Variants in VPS53 observed in about 807,000 individuals in gnomAD.
VPS53 encodes the protein VPS53 subunit of GARP complex.
VPS53 carries 70 observed loss-of-function variants against 107.0 expected under a neutral mutation model. The observed-to-expected ratio is 0.65, with a 90% CI of 0.54 to 0.80. The LOEUF (loss-of-function observed/expected upper bound fraction) is 0.80. Among genes scored for constraint, VPS53 ranks in the 30% least tolerant of loss-of-function variants. The pLI, the probability that VPS53 is intolerant of heterozygous loss-of-function variation, is 0.00. For missense variants in VPS53, 917 were observed against 1,049.4 expected (o/e 0.87, Z 1.74); for synonymous variants, 409 against 393.3 (o/e 1.04, Z -0.47).
intron 12 of VPS53, among the ~76,000 whole-genome samples, chr17:589,076 G>C (rs943591903): frequency 6.6e-6 from 1 of 151,640 alleles, no homozygotes; most frequent in Non-Finnish European, 1.5e-5. Flanking sequence ...AAGTATTATA[G>C]CTATTCTTTT....
chr17:651,417 C>A, intron 7 of VPS53, among the ~76,000 whole-genome samples: 1 of 152,304 alleles, frequency 6.6e-6, no homozygotes, highest in Non-Finnish European at 1.5e-5. Flanking sequence ...GAGTGAGACC[C>A]TGTCTCTACA....
intron 5 of VPS53, among the ~76,000 whole-genome samples, chr17:660,282 T>C (rs1971389181): frequency 6.6e-6 from 1 of 152,080 alleles, no homozygotes; most frequent in Non-Finnish European, 1.5e-5. Context: ...TAAATCCTAG[T>C]TCATAAGGTT....
At chr17:603,146 C>G (rs981542569) in intron 11 of VPS53, among the ~76,000 whole-genome samples, 1 of 152,148 alleles carries the variant, frequency 6.6e-6, no homozygotes, top group East Asian at 1.9e-4. Flanking sequence ...ACACAAAGGC[C>G]GGGTGCAGTG....
chr17:531,505 CTT>C (rs554021532), intron 19 of VPS53, among the ~76,000 whole-genome samples: 332 of 146,942 alleles, frequency 2.3e-3, no homozygotes, highest in Non-Finnish European at 2.8e-3. Flanking sequence ...TTAAAAGACT[CTT>C]TTTTTTTTTG....
At chr17:641,295 T>A (rs1273232325) in intron 7 of VPS53, among the ~76,000 whole-genome samples, 3 of 152,232 alleles carry the variant, frequency 2.0e-5, no homozygotes, top group African/African-American at 7.2e-5. Context: ...TTTCAGTCTT[T>A]ATAAGCAATT....
intron 4 of VPS53, among the ~76,000 whole-genome samples, chr17:677,417 CAG>C (rs1972212697): frequency 6.6e-6 from 1 of 152,014 alleles, no homozygotes; most frequent in South Asian, 2.1e-4. Flanking sequence ...TTCATAGAGA[CAG>C]AAAGTAAAAT....
intron 2 of VPS53, among the ~76,000 whole-genome samples, chr17:704,035 A>C (rs1001285428): frequency 6.6e-6 from 1 of 152,150 alleles, no homozygotes; most frequent in African/African-American, 2.4e-5. Context: ...TGGGGTCACC[A>C]GAAACTCTTT....
At position 601,738 on chromosome 17, in the gene VPS53, C is replaced by T. The variant is rs10521105; in HGVS notation, c.1218+57G>A. The T allele has an allele frequency of 2.2e-5, 31 of 1,391,208 alleles. No homozygotes were observed. In the South Asian group the frequency reaches 2.3e-4, roughly 10 times the overall value. The allele number at this position is 1,391,208 out of a possible 1,614,324, so 86.2% of individuals were successfully genotyped here. A position where few individuals can be genotyped will look rare whatever the true frequency, so the allele number is the denominator to read the frequency against. On this transcript the variant is annotated intron_variant, in intron 12 of 21. Transcript: ENST00000437048. ...AGGATCGTATCTGGAGCAAGCAGAC[C>T]GATTTTCAGAAACGCACATTGGGTA...
At chr17:634,420 A>T (rs191402318) in intron 7 of VPS53, among the ~76,000 whole-genome samples, 5 of 151,918 alleles carry the variant, frequency 3.3e-5, no homozygotes, top group Admixed American at 3.3e-4. Flanking sequence ...TTATACTTTC[A>T]GTTTTAGGGT....
chr17:662,559 C>G (rs1477802262), intron 4 of VPS53, among the ~76,000 whole-genome samples: 3 of 151,832 alleles, frequency 2.0e-5, no homozygotes, highest in Admixed American at 1.3e-4. Flanking sequence ...CACAGTGGCA[C>G]GCACCTGTAG....
intron 12 of VPS53, among the ~76,000 whole-genome samples, chr17:588,357 T>A (rs1027840738): frequency 6.6e-6 from 1 of 151,576 alleles, no homozygotes; most frequent in Non-Finnish European, 1.5e-5. Flanking sequence ...ATACTTAACA[T>A]AAGATCTACC....
intron 13 of VPS53, among the ~76,000 whole-genome samples, chr17:572,169 G>A (rs1377436091): frequency 1.3e-5 from 2 of 150,208 alleles, no homozygotes; most frequent in African/African-American, 2.5e-5. Context: ...CATCGTCTGA[G>A]ATGTGGGGAG....
In VPS53 at chr17:656,036, C is replaced by T. The variant is rs1719585745; in HGVS notation, c.373-83G>A. On this transcript the variant is annotated intron_variant, in intron 5 of 21. Coordinates refer to ENST00000437048, the MANE Select transcript of VPS53 (RefSeq NM_001128159.3). ...CTTCTGCAAGTAGCTCTGTAAGAAA[C>T]GAATGCAGATGAAGCAGGGAAAAAT... The T allele has an allele frequency of 8.6e-6, 9 of 1,051,888 alleles. No individual in the cohort carries two copies. The East Asian group carries it at 1.0e-4, about 12-fold the overall frequency. The allele number at this position is 1,051,888 out of a possible 1,614,324, so 65.2% of individuals were successfully genotyped here.
chr17:523,509 G>A (rs1252429893), intron 19 of VPS53: 1 of 152,222 alleles, frequency 6.6e-6, no homozygotes, highest in Non-Finnish European at 1.5e-5. Context: ...TTGGACAGAA[G>A]AATTAATGAT....
intron 17 of VPS53, among the ~76,000 whole-genome samples, chr17:545,971 T>C (rs1480838130): frequency 1.3e-5 from 2 of 152,230 alleles, no homozygotes; most frequent in Admixed American, 6.5e-5. Flanking sequence ...AAAGCTATTA[T>C]AGCCAAACAG....
In VPS53 at chr17:560,545, TAGTC is replaced by T. The variant is rs1166021078; in HGVS notation, c.1581_1584del (p.Thr528SerfsTer13). The stretch of plus-strand genomic sequence containing the variant: ...TCCTTTTCCTTGAGGAGGCTGCTGA[TAGTC>T]AGTCCTCCACTGCTGGTTGTGGTTC... On this transcript the variant is annotated frameshift_variant, in exon 15 of 22. Transcript: ENST00000437048. LOFTEE classifies it high-confidence loss of function. The T allele has an allele frequency of 1.9e-6, 3 of 1,614,096 alleles. No homozygotes were observed. Among genetic ancestry groups the T allele is most frequent in the Non-Finnish European group, 1.7e-6 (2 of 1,180,004 alleles).
chr17:596,429 C>T (rs1967977906), intron 12 of VPS53, among the ~76,000 whole-genome samples: 1 of 152,142 alleles, frequency 6.6e-6, no homozygotes, highest in Admixed American at 6.5e-5. Context: ...CCCCACAGGA[C>T]ACTCAGAAAG....
chr17:694,269 C>G, intron 4 of VPS53, among the ~76,000 whole-genome samples: 1 of 152,162 alleles, frequency 6.6e-6, no homozygotes, highest in Non-Finnish European at 1.5e-5. Flanking sequence ...CTGTGAAATA[C>G]GACCTGCTCT....
chr17:688,638 C>T (rs941012923), intron 4 of VPS53, among the ~76,000 whole-genome samples: 5 of 151,960 alleles, frequency 3.3e-5, no homozygotes, highest in South Asian at 2.1e-4. Context: ...GAACAGTCGC[C>T]CGCCCCGCCT....
Sources: gnomAD v4.1 joint callset for allele counts (sites outside exome capture counted in the v4.1 genomes callset) on GRCh38, gnomAD v4.1.1 for gene constraint, MANE v1.5 for transcripts, NCBI Gene and HGNC (gene_info 2026-07-23, HGNC 2026-07-21) for gene names.